CAMK2D: variants seen among roughly 807,000 people sequenced by gnomAD.
CAMK2D encodes calcium/calmodulin dependent protein kinase II delta, also known as calcium/calmodulin-dependent protein kinase type II subunit delta.
In CAMK2D, 37 loss-of-function variants were observed where a neutral mutation model predicts 84.0. The observed-to-expected ratio is 0.44, with a 90% CI of 0.34 to 0.58. The LOEUF is 0.58. Ranked by LOEUF, CAMK2D falls within the 20% of genes least tolerant of loss-of-function variation. The probability of loss-of-function intolerance (pLI) is 0.02; values close to 1 mark genes in which losing one functional copy is unlikely to be tolerated. For missense variants in CAMK2D, 448 were observed against 652.5 expected, an observed-to-expected ratio of 0.69 and a Z score of 3.41; for synonymous variants, 202 against 212.5, an observed-to-expected ratio of 0.95 and a Z score of 0.43.
At chr4:113,456,223 T>C (rs1484261132) in intron 19 of CAMK2D, among the ~76,000 whole-genome samples, 2 of 152,182 alleles carry the variant, frequency 1.3e-5, no homozygotes, top group East Asian at 3.8e-4. Context: ...GAAATCATGA[T>C]GGATTCTCTG....
At chr4:113,611,144 A>G (rs1038777823) in intron 3 of CAMK2D, among the ~76,000 whole-genome samples, 5 of 152,174 alleles carry the variant, frequency 3.3e-5, no homozygotes, top group African/African-American at 1.2e-4. Flanking sequence ...ATGGTGTGAA[A>G]GGTATTCTTC....
chr4:113,731,946 G>A (rs892339858), intron 2 of CAMK2D, among the ~76,000 whole-genome samples: 3 of 151,962 alleles, frequency 2.0e-5, no homozygotes, highest in Non-Finnish European at 4.4e-5. Flanking sequence ...GTCCACAGCC[G>A]TATAGAGAAG....
chr4:113,540,631 T>G (rs1475636333), intron 6 of CAMK2D, among the ~76,000 whole-genome samples: 1 of 152,240 alleles, frequency 6.6e-6, no homozygotes, highest in East Asian at 1.9e-4. Flanking sequence ...TACTAAATTA[T>G]ATCTCACAAC....
chr4:113,599,587 A>C (rs2098942863), intron 4 of CAMK2D, among the ~76,000 whole-genome samples: 1 of 152,190 alleles, frequency 6.6e-6, no homozygotes, highest in Admixed American at 6.6e-5. Flanking sequence ...TGAGGGGTAG[A>C]GTATCAACCC....
rs565310732 is a variant in CAMK2D, at chr4:113,675,658, A to G, written c.161-13886T>C. ...AAAAGTTCATCTCTGAAAGAAAAAA[A>G]AAACATGCGACTACTATGTAATTAA... On this transcript the variant is annotated intron_variant, in intron 2 of 20. Coordinates refer to ENST00000511664, the MANE Select transcript of CAMK2D (RefSeq NM_001321571.2). Among the ~76,000 whole-genome samples, 4 of 152,350 alleles carry G rather than the reference A, an allele frequency of 2.6e-5. No homozygotes were observed. In the South Asian group the frequency reaches 8.3e-4, roughly 32 times the overall value.
At chr4:113,501,692 G>C (rs1452952592) in intron 15 of CAMK2D, among the ~76,000 whole-genome samples, 1 of 151,980 alleles carries the variant, frequency 6.6e-6, no homozygotes, top group African/African-American at 2.4e-5. Flanking sequence ...TGAAAATGAA[G>C]GTAAACCCAT....
At chr4:113,689,377 G>A (rs1478317858) in intron 2 of CAMK2D, among the ~76,000 whole-genome samples, 3 of 152,208 alleles carry the variant, frequency 2.0e-5, no homozygotes, top group Non-Finnish European at 2.9e-5. Context: ...CTGAGAACAA[G>A]AGAACTCTCC....
At chr4:113,485,756 AG>A (rs1459836443) in intron 16 of CAMK2D, among the ~76,000 whole-genome samples, 1 of 152,086 alleles carries the variant, frequency 6.6e-6, no homozygotes, top group Admixed American at 6.5e-5. Flanking sequence ...GATCAGCTCA[AG>A]CTCCTTCATA....
chr4:113,695,462 T>C (rs1048731552), intron 2 of CAMK2D, among the ~76,000 whole-genome samples: 1 of 152,096 alleles, frequency 6.6e-6, no homozygotes, highest in African/African-American at 2.4e-5. Context: ...ACTTAGCTCT[T>C]GTTCCTTCCC....
intron 2 of CAMK2D, among the ~76,000 whole-genome samples, chr4:113,753,143 A>G (rs900262637): frequency 6.6e-6 from 1 of 152,102 alleles, no homozygotes; most frequent in Non-Finnish European, 1.5e-5. Context: ...CAAGAGCCTC[A>G]GTATTCTTTT....
chr4:113,507,442 T>G (rs920165728), intron 13 of CAMK2D, among the ~76,000 whole-genome samples: 1 of 151,674 alleles, frequency 6.6e-6, no homozygotes, highest in African/African-American at 2.4e-5. Flanking sequence ...TGTTTGTTTT[T>G]TTTTTTAGTA....
intron 2 of CAMK2D, among the ~76,000 whole-genome samples, chr4:113,726,224 T>C (rs970939257): frequency 1.3e-5 from 2 of 152,262 alleles, no homozygotes; most frequent in South Asian, 4.1e-4. Context: ...CTGAACCCTA[T>C]TGACTTACTG....
intron 2 of CAMK2D, among the ~76,000 whole-genome samples, chr4:113,758,700 A>T (rs981311834): frequency 1.3e-5 from 2 of 152,174 alleles, no homozygotes; most frequent in Admixed American, 1.3e-4. Context: ...TACGAGTATG[A>T]ATTATCTCTG....
At chr4:113,688,910 C>CAAAAAAAAAAAAAAAAAA (rs34196728) in intron 2 of CAMK2D, among the ~76,000 whole-genome samples, 1 of 49,716 alleles carries the variant, frequency 2.0e-5, no homozygotes, top group Non-Finnish European at 3.7e-5. Flanking sequence ...AAAGAAGATG[C>CAAAAAAAAAAAAAAAAAA]AAAAAAAAAA....
In CAMK2D at chr4:113,552,723, C is replaced by T. The variant is rs538892074; in HGVS notation, c.276-627G>A. Reference sequence around the variant, plus strand: ...AGATATGCATATGCGTACATACATGCGTGCACACACGTGTATGTGCATATT... The same window carrying T: ...AGATATGCATATGCGTACATACATGTGTGCACACACGTGTATGTGCATATT... On this transcript the variant is annotated intron_variant, in intron 4 of 20. Transcript: ENST00000511664. Among the ~76,000 whole-genome samples the T allele has an allele frequency of 1.4e-4, 22 of 152,224 alleles. No individual in the cohort carries two copies. The South Asian group carries it at 3.3e-3, about 23-fold the overall frequency.
chr4:113,568,853 G>C (rs983096049), intron 4 of CAMK2D, among the ~76,000 whole-genome samples: 1 of 151,926 alleles, frequency 6.6e-6, no homozygotes, highest in Admixed American at 6.6e-5. Flanking sequence ...GAGTAATGTT[G>C]AGTGTCTTTC....
At chr4:113,519,137 C>G (rs985148755) in intron 8 of CAMK2D, among the ~76,000 whole-genome samples, 2 of 152,152 alleles carry the variant, frequency 1.3e-5, no homozygotes, top group African/African-American at 4.8e-5. Flanking sequence ...TTTTAGCCCT[C>G]AGCTATATAA....
chr4:113,686,393 C>T (rs987190645), intron 2 of CAMK2D, among the ~76,000 whole-genome samples: 1 of 152,078 alleles, frequency 6.6e-6, no homozygotes, highest in Non-Finnish European at 1.5e-5. Flanking sequence ...CCTATATTCC[C>T]AAGTTTTCCC....
At chr4:113,746,570 A>G (rs1393829447) in intron 2 of CAMK2D, among the ~76,000 whole-genome samples, 2 of 152,146 alleles carry the variant, frequency 1.3e-5, no homozygotes, top group African/African-American at 4.8e-5. Flanking sequence ...ACTTTTTAAA[A>G]GTTAACAATT....
Sources: gnomAD v4.1 joint callset for allele counts (sites outside exome capture counted in the v4.1 genomes callset) on GRCh38, gnomAD v4.1.1 for gene constraint, MANE v1.5 for transcripts, NCBI Gene and HGNC (gene_info 2026-07-23, HGNC 2026-07-21) for gene names.